NWD1: variants seen among roughly 807,000 people sequenced by gnomAD.
NWD1 encodes the protein NACHT domain- and WD repeat-containing protein 1.
NWD1 carries 129 observed loss-of-function variants against 135.1 expected under a neutral mutation model. That is an observed-to-expected ratio of 0.96 (90% CI 0.83 to 1.11). The LOEUF (loss-of-function observed/expected upper bound fraction) is 1.11. Among genes scored for constraint, NWD1 ranks in the 50% least tolerant of loss-of-function variants. NWD1 has a pLI of 0.00. For synonymous variants in NWD1, 773 were observed against 786.0 expected, an observed-to-expected ratio of 0.98 and a Z score of 0.28; for missense variants, 1,740 against 1,851.3, an observed-to-expected ratio of 0.94 and a Z score of 1.10.
At chr19:16,784,699 G>A (rs1969978023) in intron 12 of NWD1, among the ~76,000 whole-genome samples, 2 of 152,056 alleles carry the variant, frequency 1.3e-5, no homozygotes, top group African/African-American at 4.8e-5. Context: ...GGGAGGCCAA[G>A]GTGGGCAGAT....
At chr19:16,758,511 G>C (rs534559409) in intron 6 of NWD1, among the ~76,000 whole-genome samples, 1 of 152,098 alleles carries the variant, frequency 6.6e-6, no homozygotes, top group Non-Finnish European at 1.5e-5. Context: ...CTCTGGCCTC[G>C]AGCAGTCCTC....
intron 15 of NWD1, among the ~76,000 whole-genome samples, chr19:16,796,570 T>C (rs138965567): frequency 1.6e-3 from 243 of 152,298 alleles, no homozygotes; most frequent in African/African-American, 5.5e-3. Flanking sequence ...TGGGGACCCA[T>C]TCCTATCTGC....
At chr19:16,799,220 G>A (rs934673358) in intron 16 of NWD1, among the ~76,000 whole-genome samples, 13 of 151,878 alleles carry the variant, frequency 8.6e-5, no homozygotes, top group South Asian at 2.1e-4. Context: ...TTATTTTGAC[G>A]GAGTCTCACT....
chr19:16,737,914 G>A lies in NWD1; in HGVS notation c.198+1164G>A, dbSNP rs543976350. 6.0e-5 allele frequency among the ~76,000 whole-genome samples: 9 copies of A among 150,640 alleles called. No individual in the cohort carries two copies. In the East Asian group the frequency reaches 7.8e-4, roughly 13 times the overall value. ...TGGGAGGCAGAGGTTGCAGTGAGCC[G>A]AGATCATGCCACTGTACTCCAGCCT... On this transcript the variant is annotated intron_variant, in intron 4 of 18. Coordinates refer to ENST00000524140, the MANE Select transcript of NWD1 (RefSeq NM_001007525.5).
rs1324572161 is a variant in NWD1, at chr19:16,759,342, G to C, written c.1887G>C (p.Leu629=). The part of the protein sequence containing the change: ...PSKELLRFPP[L]LWVRLRRDLG... ...AGGAGCTGCTGCGCTTCCCGCCCCTGCTGTGGGTGCGGCTTCGTCGGGATC... is the reference window on the plus strand; with the variant it reads ...AGGAGCTGCTGCGCTTCCCGCCCCTCCTGTGGGTGCGGCTTCGTCGGGATC... The change falls in exon 7 of 19, where the codon CTG becomes CTC. Residue 629 remains leucine, a synonymous_variant. Transcript: ENST00000524140. The C allele has an allele frequency of 6.2e-7, 1 of 1,613,868 alleles. No homozygotes were observed. The highest frequency in any genetic ancestry group is 2.2e-5 in the East Asian group (1 of 44,870).
intron 15 of NWD1, 74 bp from the exon 16 acceptor site, chr19:16,797,658 C>A: frequency 7.0e-7 from 1 of 1,418,564 alleles, no homozygotes. Context: ...TCCAAAACAC[C>A]TCTGTTGATG....
At chr19:16,721,173 G>A (rs941570688) in intron 1 of NWD1, among the ~76,000 whole-genome samples, 25 of 151,944 alleles carry the variant, frequency 1.6e-4, no homozygotes, top group African/African-American at 5.8e-4. Flanking sequence ...TAATTGTGAC[G>A]ACTTTGGTGG....
Position 16,800,132 on chromosome 19 carries a change from A to C in NWD1, c.3706A>C (p.Asn1236His), listed in dbSNP as rs772708758. ...YVYFPKIGDK[N>H]KVTIWDLAEG... is the part of the protein sequence containing the mutation. ...CTACTTCCCCAAAATTGGGGACAAAAACAAAGTCACTATTTGGGACTTGGC... is the reference window on the plus strand; with the variant it reads ...CTACTTCCCCAAAATTGGGGACAAACACAAAGTCACTATTTGGGACTTGGC... Residue 1236 changes from asparagine to histidine, a missense_variant, in exon 17 of 19, where the codon AAC becomes CAC. Transcript: ENST00000524140. The C allele has an allele frequency of 1.2e-6, 2 of 1,613,580 alleles. No individual in the cohort carries two copies. The highest frequency in any genetic ancestry group is 1.3e-5 in the African/African-American group (1 of 74,924).
At chr19:16,784,942 A>C (rs1969988360) in intron 12 of NWD1, among the ~76,000 whole-genome samples, 1 of 151,780 alleles carries the variant, frequency 6.6e-6, no homozygotes, top group Non-Finnish European at 1.5e-5. Context: ...CAAAAAAAAA[A>C]ACAACAAAAC....
At chr19:16,762,179 A>C in intron 8 of NWD1, 41 bp downstream of exon 8, 7 of 1,583,752 alleles carry the variant, frequency 4.4e-6, no homozygotes, top group Non-Finnish European at 6.0e-6. Context: ...TGCAACCTCC[A>C]CCCTGCCTGG....
At chr19:16,723,820 C>A (rs940669083) in intron 1 of NWD1, among the ~76,000 whole-genome samples, 1 of 152,036 alleles carries the variant, frequency 6.6e-6, no homozygotes, top group Non-Finnish European at 1.5e-5. Flanking sequence ...CTGAGCCCCC[C>A]ACGTAGCTGG....
At chr19:16,731,708 G>A (rs1336717770) in intron 3 of NWD1, among the ~76,000 whole-genome samples, 17 of 151,000 alleles carry the variant, frequency 1.1e-4, no homozygotes, top group Middle Eastern at 3.4e-3. Context: ...GGGTTCAAGC[G>A]ATTCTCTCGC....
chr19:16,798,644 A>G (rs1452174826), intron 16 of NWD1, among the ~76,000 whole-genome samples: 1 of 152,160 alleles, frequency 6.6e-6, no homozygotes, highest in African/African-American at 2.4e-5. Context: ...TTATTTTTTG[A>G]GACCAAGTCT....
intron 7 of NWD1, among the ~76,000 whole-genome samples, chr19:16,761,358 T>TTCTTTCTTTCTTTCTTTCTTTCTTTCC (rs1555723960): frequency 2.0e-4 from 31 of 151,260 alleles, no homozygotes; most frequent in African/African-American, 7.4e-4. Flanking sequence ...TTCTCTTTCT[T>TTCTTTCTTTCTTTCTTTCTTTCTTTCC]TCTTTCTTTC....
At position 16,749,376 on chromosome 19, in the gene NWD1, C is replaced by T. The variant is rs761500318; in HGVS notation, c.734C>T (p.Pro245Leu). The change falls in exon 6 of 19, where the codon CCG (proline) becomes CTG (leucine). Residue 245 changes from proline to leucine, a missense_variant. Pro to Leu is a moderately conservative substitution (Grantham distance 98). Transcript: ENST00000524140. ...HPGVLKTHRL[P>L]WSRDLVNPKN... The stretch of plus-strand genomic sequence containing the variant: ...GGGGTCCTCAAGACCCACCGCCTGC[C>T]GTGGAGCCGCGACTTGGTGAACCCC... 2.7e-5 allele frequency: 43 copies of T among 1,613,630 alleles called. No homozygotes were observed. The highest frequency in any genetic ancestry group is 6.7e-5 in the East Asian group (3 of 44,862).
chr19:16,799,879 T>G lies in NWD1; in HGVS notation c.3460-7T>G. On this transcript the variant is annotated splice_polypyrimidine_tract_variant and splice_region_variant and intron_variant, in intron 16 of 18. Coordinates refer to ENST00000524140, the MANE Select transcript of NWD1 (RefSeq NM_001007525.5). ...GTCAGATCTGCCCTCCTGTTCTGCTTCCTCAGGTGTGGAGTCTGTCAGAAC... is the reference window on the plus strand; with the variant it reads ...GTCAGATCTGCCCTCCTGTTCTGCTGCCTCAGGTGTGGAGTCTGTCAGAAC... 2 of 1,592,356 alleles carry G rather than the reference T, an allele frequency of 1.3e-6. No homozygotes were observed. The highest frequency in any genetic ancestry group is 2.3e-5 in the South Asian group (2 of 88,870).
chr19:16,735,615 G>A (rs1328272904), intron 3 of NWD1, among the ~76,000 whole-genome samples: 1 of 150,852 alleles, frequency 6.6e-6, no homozygotes, highest in East Asian at 2.0e-4. Context: ...GATCACCTGA[G>A]GTCAAGAGTT....
intron 4 of NWD1, among the ~76,000 whole-genome samples, chr19:16,741,994 C>T (rs1196499195): frequency 6.6e-6 from 1 of 151,756 alleles, no homozygotes; most frequent in Non-Finnish European, 1.5e-5. Context: ...GCCTGTAGTC[C>T]CAGCTACTGG....
chr19:16,814,292 T>C (rs567493910), intron 18 of NWD1, among the ~76,000 whole-genome samples: 12 of 152,292 alleles, frequency 7.9e-5, no homozygotes, highest in African/African-American at 2.6e-4. Flanking sequence ...GGTCACACAG[T>C]GAGTAACTAG....
Sources: gnomAD v4.1 joint callset for allele counts (sites outside exome capture counted in the v4.1 genomes callset) on GRCh38, gnomAD v4.1.1 for gene constraint, MANE v1.5 for transcripts, NCBI Gene and HGNC (gene_info 2026-07-23, HGNC 2026-07-21) for gene names.